The following WASL variants were observed in gnomAD, a reference collection of about 807,000 sequenced individuals.
WASL encodes the protein WASP like actin nucleation promoting factor, also known as actin nucleation-promoting factor WASL.
Under a neutral mutation model 55.5 loss-of-function variants are expected in WASL, and 20 were observed. The ratio of observed to expected loss-of-function variants is 0.36; its 90% CI spans 0.25 to 0.52. The LOEUF (loss-of-function observed/expected upper bound fraction) is 0.52, where lower values mean the gene tolerates loss of function less well. Ranked by LOEUF, WASL falls within the 20% of genes least tolerant of loss-of-function variation. The probability of loss-of-function intolerance (pLI) is 0.92; values close to 1 mark genes in which losing one functional copy is unlikely to be tolerated. For synonymous variants in WASL, 249 were observed against 217.6 expected (o/e 1.14, Z -1.27); for missense variants, 504 against 622.5 (o/e 0.81, Z 2.03).
intron 9 of WASL, among the ~76,000 whole-genome samples, chr7:123,689,625 TTA>T (rs1803360937): frequency 6.6e-6 from 1 of 152,188 alleles, no homozygotes; most frequent in African/African-American, 2.4e-5. Context: ...CTTTACACCT[TTA>T]TGTTACATTT....
At chr7:123,736,286 G>GA (rs1304498076) in intron 1 of WASL, among the ~76,000 whole-genome samples, 18 of 147,494 alleles carry the variant, frequency 1.2e-4, no homozygotes, top group Non-Finnish European at 2.6e-4. Context: ...AAGAAGGAAA[G>GA]AAAAAAATAC....
intron 1 of WASL, among the ~76,000 whole-genome samples, chr7:123,743,327 ACT>A (rs1430070581): frequency 7.3e-6 from 1 of 137,616 alleles, no homozygotes; most frequent in Non-Finnish European, 1.5e-5. Context: ...ACAAAGCAAG[ACT>A]CTGTCTCAAA....
chr7:123,701,747 CTAA>C (rs900807940), intron 5 of WASL, among the ~76,000 whole-genome samples: 2 of 152,084 alleles, frequency 1.3e-5, no homozygotes, highest in African/African-American at 4.8e-5. Context: ...ATGCTGCCTC[CTAA>C]ACAGTGGTCT....
chr7:123,698,293 C>T (rs1371603097), intron 5 of WASL, among the ~76,000 whole-genome samples: 2 of 151,292 alleles, frequency 1.3e-5, no homozygotes, highest in Non-Finnish European at 2.9e-5. Context: ...TCCAACTTGA[C>T]TGTTATTCTT....
At chr7:123,719,337 C>A (rs568299733) in intron 1 of WASL, among the ~76,000 whole-genome samples, 2 of 152,164 alleles carry the variant, frequency 1.3e-5, no homozygotes, top group African/African-American at 2.4e-5. Context: ...TCCTTTATGT[C>A]GAAATCCATG....
chr7:123,707,041 T>C (rs535734097), intron 2 of WASL, among the ~76,000 whole-genome samples: 3 of 152,302 alleles, frequency 2.0e-5, no homozygotes, highest in Non-Finnish European at 4.4e-5. Flanking sequence ...TCATAAAACC[T>C]ACATATCAAG....
intron 1 of WASL, among the ~76,000 whole-genome samples, chr7:123,737,464 T>C (rs1804254662): frequency 6.6e-6 from 1 of 151,730 alleles, no homozygotes; most frequent in African/African-American, 2.4e-5. Flanking sequence ...GGCGTGGTGG[T>C]GCATGCCTGT....
intron 1 of WASL, among the ~76,000 whole-genome samples, chr7:123,710,029 C>T (rs1239492483): frequency 1.3e-5 from 2 of 152,142 alleles, no homozygotes; most frequent in East Asian, 1.9e-4. Context: ...TTTTCCAGTA[C>T]ACCATGTTGC....
intron 1 of WASL, among the ~76,000 whole-genome samples, chr7:123,732,746 T>C (rs1023199982): frequency 3.3e-5 from 5 of 151,950 alleles, no homozygotes; most frequent in African/African-American, 4.8e-5. Context: ...AAAAGGAAAA[T>C]TGCAAACCAC....
chr7:123,742,221 A>G (rs894865236), intron 1 of WASL, among the ~76,000 whole-genome samples: 1 of 152,230 alleles, frequency 6.6e-6, no homozygotes, highest in South Asian at 2.1e-4. Flanking sequence ...AGCCCTTTGC[A>G]TCTTAAAAGC....
chr7:123,685,255 T>C (rs1171003338), intron 10 of WASL, among the ~76,000 whole-genome samples: 1 of 151,948 alleles, frequency 6.6e-6, no homozygotes, highest in African/African-American at 2.4e-5. Flanking sequence ...ACCACTGCTA[T>C]TTGAATGAAA....
intron 1 of WASL, among the ~76,000 whole-genome samples, chr7:123,713,189 C>T (rs1803786450): frequency 6.6e-6 from 1 of 151,934 alleles, no homozygotes; most frequent in African/African-American, 2.4e-5. Flanking sequence ...GCTCTGTCAC[C>T]CAGGCAGGAG....
chr7:123,736,281 G>C (rs1357577133), intron 1 of WASL, among the ~76,000 whole-genome samples: 2 of 148,688 alleles, frequency 1.3e-5, no homozygotes, highest in African/African-American at 4.9e-5. Context: ...TTTAAAAGAA[G>C]GAAAGAAAAA....
intron 10 of WASL, among the ~76,000 whole-genome samples, chr7:123,687,264 A>G (rs1458285026): frequency 6.6e-6 from 1 of 152,174 alleles, no homozygotes; most frequent in Non-Finnish European, 1.5e-5. Context: ...TGCTTGGATC[A>G]TTACTACACC....
chr7:123,748,209 T>C (rs952530857), intron 1 of WASL, among the ~76,000 whole-genome samples: 1 of 151,878 alleles, frequency 6.6e-6, no homozygotes, highest in African/African-American at 2.4e-5. Flanking sequence ...CCTGGCATTG[T>C]TAAGGAACGT....
intron 5 of WASL, 56 bp downstream of exon 5, chr7:123,704,578 A>G (rs941714149): frequency 2.7e-5 from 37 of 1,376,186 alleles, no homozygotes; most frequent in Non-Finnish European, 3.4e-5. Flanking sequence ...ATGTTTCCAC[A>G]AGGATTAAAC....
At chr7:123,690,488 T>C (rs754921767) in intron 9 of WASL, among the ~76,000 whole-genome samples, 8 of 152,166 alleles carry the variant, frequency 5.3e-5, no homozygotes, top group Non-Finnish European at 8.8e-5. Context: ...ATTACATGTA[T>C]AACATGCCAA....
chr7:123,700,589 G>A (rs1311201981), intron 5 of WASL, among the ~76,000 whole-genome samples: 2 of 152,020 alleles, frequency 1.3e-5, no homozygotes. Context: ...ACAGGTGTGT[G>A]CCACTAAGCC....
chr7:123,721,909 A>G (rs1313229644), intron 1 of WASL, among the ~76,000 whole-genome samples: 6 of 152,166 alleles, frequency 3.9e-5, no homozygotes, highest in South Asian at 2.1e-4. Flanking sequence ...TTTAGAATGT[A>G]TAAATTAATT....
Sources: gnomAD v4.1 joint callset for allele counts (sites outside exome capture counted in the v4.1 genomes callset) on GRCh38, gnomAD v4.1.1 for gene constraint, MANE v1.5 for transcripts, NCBI Gene and HGNC (gene_info 2026-07-23, HGNC 2026-07-21) for gene names.